DNAH6: variants seen among roughly 807,000 people sequenced by gnomAD.
The protein encoded by DNAH6 is dynein axonemal heavy chain 6, also known as axonemal beta dynein heavy chain 6.
DNAH6 carries 340 observed loss-of-function variants against 491.4 expected under a neutral mutation model. That is an observed-to-expected ratio of 0.69 (90% CI 0.63 to 0.76). The LOEUF is 0.76. Among genes scored for constraint, DNAH6 ranks in the 30% least tolerant of loss-of-function variants. DNAH6 has a pLI of 0.00. For missense variants in DNAH6, 4,443 were observed against 4,972.2 expected, an observed-to-expected ratio of 0.89 and a Z score of 3.20; for synonymous variants, 1,603 against 1,686.1, an observed-to-expected ratio of 0.95 and a Z score of 1.21.
At chr2:84,509,163 T>G in the DNAH6 span, among the ~76,000 whole-genome samples, 1 of 152,166 alleles carries the variant, frequency 6.6e-6, no homozygotes, top group African/African-American at 2.4e-5. Context: ...ATGTTGAAAA[T>G]GGGGTGCTAA....
rs774513015 is a variant in DNAH6 at position 84,669,421 on chromosome 2, A to T, written c.6217A>T (p.Thr2073Ser). 1.2e-5 allele frequency: 19 copies of T among 1,551,960 alleles called. No homozygotes were observed. The highest frequency in any genetic ancestry group is 1.7e-5 in the Non-Finnish European group (19 of 1,147,068). The change falls in exon 38 of 77, where the codon ACT becomes TCT. Residue 2073 changes from threonine to serine, a missense_variant. By Grantham distance (58) the Thr-to-Ser change is moderately conservative. This residue lies in a region of DNAH6 where 2,977 missense variants were observed against 3,296.6 expected (regional missense o/e 0.90). Coordinates refer to ENST00000389394, the MANE Select transcript of DNAH6 (RefSeq NM_001370.2). ...VPFFEMLVPT[T>S]DTVRYGYLME... ...ATTTTTTGAAATGCTTGTCCCCACA[A>T]CTGACACAGTGCGCTATGGGTATCT...
At chr2:84,658,552 A>T (rs1215143601) in intron 36 of DNAH6, 78 bp downstream of exon 36, 12 of 1,005,430 alleles carry the variant, frequency 1.2e-5, no homozygotes, top group African/African-American at 6.7e-5. Flanking sequence ...AAATGACTCC[A>T]TTCTAAAATA....
At chr2:84,717,490 T>C (rs1573587496) in intron 58 of DNAH6, among the ~76,000 whole-genome samples, 1 of 152,296 alleles carries the variant, frequency 6.6e-6, no homozygotes, top group East Asian at 1.9e-4. Context: ...CTCATAGCCA[T>C]GTGATCTCAA....
chr2:84,496,366 A>G, the DNAH6 span, among the ~76,000 whole-genome samples: 1 of 152,204 alleles, frequency 6.6e-6, no homozygotes, highest in East Asian at 1.9e-4. Context: ...AAATCTCCTA[A>G]ATATTTATGT....
At chr2:84,640,612 A>C (rs1263551375) in intron 32 of DNAH6, 34 bp downstream of exon 32, 2 of 1,530,168 alleles carry the variant, frequency 1.3e-6, no homozygotes, top group Non-Finnish European at 8.8e-7. Context: ...GTGAAATCCC[A>C]AACCATGTGA....
In DNAH6 at chr2:84,590,079, G is replaced by A. The variant is rs374571807; in HGVS notation, c.2610+1125G>A. ...AATGAATTTGATACCAGCCAATAAG[G>A]CTGGTGATACTTGAGGCAGATTTGT... On this transcript the variant is annotated intron_variant, in intron 16 of 76. Coordinates refer to ENST00000389394, the MANE Select transcript of DNAH6 (RefSeq NM_001370.2). Among the ~76,000 whole-genome samples, 52 of 152,216 alleles carry A rather than the reference G, an allele frequency of 3.4e-4. 1 individual carries two copies. Among genetic ancestry groups the A allele is most frequent in the African/African-American group, 1.2e-3 (51 of 41,530 alleles).
At position 84,641,937 on chromosome 2, in the gene DNAH6, T is replaced by G; in HGVS notation, c.4971-10T>G. On this transcript the variant is annotated splice_polypyrimidine_tract_variant and intron_variant, in intron 32 of 76. Coordinates refer to ENST00000389394, the MANE Select transcript of DNAH6 (RefSeq NM_001370.2). ...TTGTGATATTATCCGAAATATTCCT[T>G]TAAATTTAGATCTTTAAAAAGAGAA... 6.5e-7 allele frequency: 1 copy of G among 1,543,960 alleles called. No individual in the cohort carries two copies. Among genetic ancestry groups the G allele is most frequent in the Non-Finnish European group, 8.8e-7 (1 of 1,141,522 alleles).
At chr2:84,803,878 G>C (rs934620887) in intron 70 of DNAH6, among the ~76,000 whole-genome samples, 1 of 152,094 alleles carries the variant, frequency 6.6e-6, no homozygotes, top group African/African-American at 2.4e-5. Flanking sequence ...AAAAATGGTG[G>C]ATGAAATTCA....
At chr2:84,803,192 G>A (rs1325305447) in intron 70 of DNAH6, among the ~76,000 whole-genome samples, 2 of 152,142 alleles carry the variant, frequency 1.3e-5, no homozygotes, top group African/African-American at 4.8e-5. Context: ...CTCGAAGAAT[G>A]CAGAAACAGA....
chr2:84,634,607 A>G lies in DNAH6; in HGVS notation c.4619A>G (p.Gln1540Arg), dbSNP rs1469196134. 3.9e-6 allele frequency: 6 copies of G among 1,547,750 alleles called. No individual in the cohort carries two copies. Among genetic ancestry groups the G allele is most frequent in the Non-Finnish European group, 5.2e-6 (6 of 1,145,512 alleles). The part of the protein sequence containing the change: ...DIEVLSVIAQ[Q>R]LITIRNAKAA... ...GAAGTTCTGTCCGTCATCGCGCAGC[A>G]ACTCATTACCATTAGGAACGCCAAA... Residue 1540 changes from glutamine to arginine, a missense_variant, in exon 30 of 77, where the codon CAA becomes CGA. Physicochemically the swap from Gln to Arg is conservative, Grantham distance 43 (BLOSUM62 1). Coordinates refer to ENST00000389394, the MANE Select transcript of DNAH6 (RefSeq NM_001370.2).
chr2:84,808,227 A>G (rs975015909), intron 71 of DNAH6, among the ~76,000 whole-genome samples, 188 bp from the exon 72 acceptor site: 9 of 152,232 alleles, frequency 5.9e-5, no homozygotes, highest in African/African-American at 1.9e-4. Context: ...GATTGCTTCT[A>G]TATAAACACA....
chr2:84,585,611 G>A (rs1683458442), intron 15 of DNAH6, among the ~76,000 whole-genome samples: 1 of 152,056 alleles, frequency 6.6e-6, no homozygotes, highest in African/African-American at 2.4e-5. Flanking sequence ...GAGGAGGCCT[G>A]GAGAGGGTAG....
intron 64 of DNAH6, among the ~76,000 whole-genome samples, chr2:84,772,137 A>C (rs1675685252): frequency 6.6e-6 from 1 of 152,196 alleles, no homozygotes; most frequent in South Asian, 2.1e-4. Context: ...TATTATTTCA[A>C]ATTTAAATTT....
chr2:84,787,501 G>A (rs1017891642), intron 68 of DNAH6, among the ~76,000 whole-genome samples, 199 bp downstream of exon 68: 5 of 146,248 alleles, frequency 3.4e-5, no homozygotes. Flanking sequence ...CACAGAAAAT[G>A]GGACAGCTGC....
At chr2:84,804,862 C>A (rs1034098813) in intron 70 of DNAH6, among the ~76,000 whole-genome samples, 1 of 152,146 alleles carries the variant, frequency 6.6e-6, no homozygotes, top group African/African-American at 2.4e-5. Flanking sequence ...GTTGCCCTGG[C>A]TAGAGTGCAG....
At chr2:84,540,682 C>T (rs1268948817) in intron 4 of DNAH6, among the ~76,000 whole-genome samples, 2 of 152,124 alleles carry the variant, frequency 1.3e-5, no homozygotes, top group Non-Finnish European at 2.9e-5. Context: ...TCTCTCAGTT[C>T]ATGTGGTTAT....
chr2:84,569,864 T>G (rs1681598202), intron 11 of DNAH6, among the ~76,000 whole-genome samples: 1 of 152,130 alleles, frequency 6.6e-6, no homozygotes, highest in African/African-American at 2.4e-5. Context: ...GAACCCTATG[T>G]TGTTGCATTG....
At chr2:84,558,085 A>G in intron 11 of DNAH6, 150 bp downstream of exon 11, 1 of 545,546 alleles carries the variant, frequency 1.8e-6, no homozygotes, top group Non-Finnish European at 3.0e-6. Flanking sequence ...TGAAAATAAT[A>G]TTTGTTCTCT....
the DNAH6 span, among the ~76,000 whole-genome samples, chr2:84,468,877 A>G: frequency 4.6e-5 from 7 of 152,184 alleles, no homozygotes; most frequent in African/African-American, 1.4e-4. Context: ...AAGTACCGCC[A>G]CATGATCAAA....
Sources: gnomAD v4.1 joint callset for allele counts (sites outside exome capture counted in the v4.1 genomes callset) on GRCh38, gnomAD v4.1.1 for gene constraint, gnomAD v4.1.1 regional missense constraint, MANE v1.5 for transcripts, NCBI Gene and HGNC (gene_info 2026-07-23, HGNC 2026-07-21) for gene names.